ROBO1: variants seen among roughly 807,000 people sequenced by gnomAD.
ROBO1 encodes the protein roundabout homolog 1.
Under a neutral mutation model 195.9 loss-of-function variants are expected in ROBO1, and 149 were observed. The observed-to-expected ratio is 0.76, with a 90% CI of 0.67 to 0.87. The LOEUF is 0.87. ROBO1 is among the 40% of genes least tolerant of loss of function. The pLI is 0.00. For synonymous variants in ROBO1, 816 were observed against 733.2 expected (o/e 1.11, Z -1.82); for missense variants, 1,933 against 2,068.3 (o/e 0.93, Z 1.27).
At chr3:79,665,682 T>A (rs1283221335) in intron 1 of ROBO1, among the ~76,000 whole-genome samples, 1 of 151,828 alleles carries the variant, frequency 6.6e-6, no homozygotes, top group African/African-American at 2.4e-5. Context: ...TAATGAAGGA[T>A]TTGAGTGAAA....
chr3:79,270,222 A>T (rs945321075), intron 2 of ROBO1, among the ~76,000 whole-genome samples: 6 of 138,724 alleles, frequency 4.3e-5, no homozygotes, highest in African/African-American at 1.2e-4. Flanking sequence ...TCTCTCTCTC[A>T]CATACACACA....
At chr3:79,568,435 C>T (rs144861613) in intron 2 of ROBO1, among the ~76,000 whole-genome samples, 388 of 149,994 alleles carry the variant, frequency 2.6e-3, no homozygotes, top group African/African-American at 9.1e-3. Flanking sequence ...ACTTTAATTG[C>T]AGCCTTTATT....
intron 3 of ROBO1, among the ~76,000 whole-genome samples, chr3:79,103,061 C>G (rs1400247980): frequency 2.0e-5 from 3 of 151,740 alleles, no homozygotes; most frequent in Non-Finnish European, 4.4e-5. Context: ...AAGATTCAAT[C>G]ACATTATTTG....
chr3:79,167,727 C>T (rs2081094118), intron 2 of ROBO1, among the ~76,000 whole-genome samples: 1 of 152,156 alleles, frequency 6.6e-6, no homozygotes, highest in South Asian at 2.1e-4. Context: ...AGCATTCTGC[C>T]TTGGTAATTA....
intron 2 of ROBO1, among the ~76,000 whole-genome samples, chr3:79,235,597 C>A (rs1301631421): frequency 6.6e-6 from 1 of 152,148 alleles, no homozygotes; most frequent in Admixed American, 6.5e-5. Flanking sequence ...CAAGGGTCCT[C>A]CATATTTATA....
intron 4 of ROBO1, among the ~76,000 whole-genome samples, chr3:78,748,034 C>G (rs1036092389): frequency 2.0e-5 from 3 of 152,302 alleles, no homozygotes; most frequent in South Asian, 2.1e-4. Flanking sequence ...TTTCCTTGAT[C>G]TGATGTGTAG....
At chr3:78,714,716 T>A (rs192954132) in intron 7 of ROBO1, 192 bp from the exon 8 acceptor site, 1 of 444,170 alleles carries the variant, frequency 2.3e-6, no homozygotes, top group Non-Finnish European at 3.9e-6. Flanking sequence ...GACTAACATA[T>A]TAAACTACTT....
At chr3:79,174,000 C>T (rs1047062746) in intron 2 of ROBO1, among the ~76,000 whole-genome samples, 1 of 152,052 alleles carries the variant, frequency 6.6e-6, no homozygotes, top group East Asian at 1.9e-4. Flanking sequence ...ATTGCAAACG[C>T]ACCAATCAGT....
intron 1 of ROBO1, among the ~76,000 whole-genome samples, chr3:79,748,720 T>TG (rs1166673987): frequency 1.3e-5 from 2 of 152,138 alleles, no homozygotes; most frequent in East Asian, 3.9e-4. Flanking sequence ...AAGTCTCACA[T>TG]GCTCGGATGG....
intron 2 of ROBO1, among the ~76,000 whole-genome samples, chr3:79,249,332 G>A (rs2082678896): frequency 6.6e-6 from 1 of 152,102 alleles, no homozygotes; most frequent in Non-Finnish European, 1.5e-5. Context: ...CAGAGTATAT[G>A]CCTAATTCCT....
At chr3:79,170,071 C>G (rs1037785654) in intron 2 of ROBO1, among the ~76,000 whole-genome samples, 1 of 152,038 alleles carries the variant, frequency 6.6e-6, no homozygotes, top group African/African-American at 2.4e-5. Flanking sequence ...ACAAAGGAAA[C>G]AATAAGTGCA....
chr3:79,487,687 T>C (rs1416667442), intron 2 of ROBO1, among the ~76,000 whole-genome samples: 1 of 152,176 alleles, frequency 6.6e-6, no homozygotes, highest in African/African-American at 2.4e-5. Flanking sequence ...CTCAGCCTTT[T>C]CTTGTGTCAC....
At chr3:78,805,746 A>T (rs2084517681) in intron 4 of ROBO1, among the ~76,000 whole-genome samples, 1 of 152,116 alleles carries the variant, frequency 6.6e-6, no homozygotes, top group South Asian at 2.1e-4. Context: ...TCTGTATGTT[A>T]AAATATACTC....
At chr3:79,563,568 C>A (rs1045553562) in intron 2 of ROBO1, among the ~76,000 whole-genome samples, 1 of 151,876 alleles carries the variant, frequency 6.6e-6, no homozygotes, top group Non-Finnish European at 1.5e-5. Context: ...CAGCCATAGT[C>A]TTTATTAATA....
intron 1 of ROBO1, among the ~76,000 whole-genome samples, chr3:79,666,973 A>G (rs552955331): frequency 1.3e-5 from 2 of 152,042 alleles, no homozygotes; most frequent in East Asian, 3.9e-4. Flanking sequence ...TTAAAAAGCT[A>G]TTTTGCCTAT....
intron 4 of ROBO1, among the ~76,000 whole-genome samples, chr3:78,932,849 T>G (rs796596170): frequency 6.6e-6 from 1 of 152,162 alleles, no homozygotes; most frequent in Non-Finnish European, 1.5e-5. Context: ...AATTAGCACA[T>G]ATTACTTCTG....
intron 3 of ROBO1, among the ~76,000 whole-genome samples, chr3:79,024,418 C>G (rs1559602291): frequency 6.6e-6 from 1 of 152,194 alleles, no homozygotes; most frequent in Non-Finnish European, 1.5e-5. Context: ...ATCTAATTCT[C>G]ACCACAGTGA....
At chr3:78,730,845 T>C (rs2082270334) in intron 5 of ROBO1, among the ~76,000 whole-genome samples, 1 of 152,126 alleles carries the variant, frequency 6.6e-6, no homozygotes, top group African/African-American at 2.4e-5. Context: ...TCTACATACA[T>C]CCTTAGAGGA....
At chr3:78,681,347 T>A (rs562689654) in intron 10 of ROBO1, among the ~76,000 whole-genome samples, 1 of 151,724 alleles carries the variant, frequency 6.6e-6, no homozygotes, top group Admixed American at 6.6e-5. Context: ...AAAAAAAAAA[T>A]CTATGGAGCA....
Sources: gnomAD v4.1 joint callset for allele counts (sites outside exome capture counted in the v4.1 genomes callset) on GRCh38, gnomAD v4.1.1 for gene constraint, MANE v1.5 for transcripts, NCBI Gene and HGNC (gene_info 2026-07-23, HGNC 2026-07-21) for gene names.